The following ZFHX3 variants were observed in gnomAD, a reference collection of about 807,000 sequenced individuals.
ZFHX3 encodes the protein zinc finger homeobox protein 3.
A neutral mutation model predicts 279.1 loss-of-function variants in ZFHX3; 42 were observed. The observed-to-expected ratio is 0.15, with a 90% confidence interval of 0.12 to 0.19. The LOEUF (loss-of-function observed/expected upper bound fraction) is 0.19, where lower values mean the gene tolerates loss of function less well. Among genes scored for constraint, ZFHX3 ranks in the 10% least tolerant of loss-of-function variants. The probability of loss-of-function intolerance (pLI) is 1.00; values close to 1 mark genes in which losing one functional copy is unlikely to be tolerated. For synonymous variants in ZFHX3, 2,293 were observed against 1,957.8 expected (o/e 1.17, Z -4.52); for missense variants, 4,981 against 4,754.0 (o/e 1.05, Z -1.40).
At chr16:72,948,975 G>A (rs1488154527) in intron 3 of ZFHX3, among the ~76,000 whole-genome samples, 2 of 152,196 alleles carry the variant, frequency 1.3e-5, no homozygotes, top group African/African-American at 4.8e-5. Flanking sequence ...GATTGGATGC[G>A]TGGTGTCCAG....
chr16:73,526,894 G>A (rs2019705065), intron 2 of ZFHX3, among the ~76,000 whole-genome samples: 1 of 151,470 alleles, frequency 6.6e-6, no homozygotes, highest in Non-Finnish European at 1.5e-5. Flanking sequence ...CTAGTATTCG[G>A]TACCTCTTTG....
chr16:72,871,889 C>T (rs1200246635), intron 4 of ZFHX3, among the ~76,000 whole-genome samples: 1 of 152,128 alleles, frequency 6.6e-6, no homozygotes, highest in African/African-American at 2.4e-5. Context: ...ATGAAGACCA[C>T]ACTGGCTAAC....
At chr16:73,816,357 G>A (rs1960570918) in intron 1 of ZFHX3, among the ~76,000 whole-genome samples, 1 of 152,152 alleles carries the variant, frequency 6.6e-6, no homozygotes, top group South Asian at 2.1e-4. Flanking sequence ...ATAGGAAAGT[G>A]AGTATGACTT....
At chr16:73,831,065 C>A (rs1233872548) in intron 1 of ZFHX3, among the ~76,000 whole-genome samples, 1 of 152,134 alleles carries the variant, frequency 6.6e-6, no homozygotes, top group Non-Finnish European at 1.5e-5. Flanking sequence ...ATTCAAAAGA[C>A]CAAAGAGAAG....
chr16:73,737,006 T>C (rs913979995), intron 1 of ZFHX3, among the ~76,000 whole-genome samples: 4 of 152,162 alleles, frequency 2.6e-5, no homozygotes, highest in Admixed American at 6.6e-5. Flanking sequence ...TTCAGGTCTC[T>C]TTCTGTGGTT....
chr16:73,271,144 G>T (rs1057506931), intron 4 of ZFHX3, among the ~76,000 whole-genome samples: 2 of 152,190 alleles, frequency 1.3e-5, no homozygotes, highest in East Asian at 3.9e-4. Context: ...AGTGGAATAT[G>T]CCCCAGGGTT....
chr16:73,060,100 T>A (rs1290503893), upstream of ZFHX3: 3 of 151,456 alleles, frequency 2.0e-5, no homozygotes, highest in Admixed American at 6.6e-5. Flanking sequence ...AAAGCAGGGA[T>A]GTAATAAAGG....
chr16:73,810,734 C>G (rs1960404659), intron 1 of ZFHX3, among the ~76,000 whole-genome samples: 1 of 152,068 alleles, frequency 6.6e-6, no homozygotes, highest in Non-Finnish European at 1.5e-5. Context: ...TCAGGGAAAT[C>G]TTAGAACTGA....
At chr16:73,558,878 CA>C (rs898970803) in intron 2 of ZFHX3, among the ~76,000 whole-genome samples, 17 of 148,224 alleles carry the variant, frequency 1.1e-4, no homozygotes, top group African/African-American at 4.0e-4. Context: ...ATGCCCAGCT[CA>C]CTTTTTTTTA....
intron 1 of ZFHX3, among the ~76,000 whole-genome samples, chr16:73,026,027 T>C (rs138195703): frequency 6.6e-6 from 1 of 151,902 alleles, no homozygotes; most frequent in African/African-American, 2.4e-5. Context: ...CACACCCATG[T>C]CTTGGCAGTC....
At chr16:72,810,766 G>A (rs2036421668) in intron 7 of ZFHX3, among the ~76,000 whole-genome samples, 1 of 152,108 alleles carries the variant, frequency 6.6e-6, no homozygotes, top group African/African-American at 2.4e-5. Context: ...CCCTAGAGTT[G>A]GAAATTGCGG....
chr16:73,255,123 A>C (rs757843531), intron 5 of ZFHX3, among the ~76,000 whole-genome samples: 3 of 152,228 alleles, frequency 2.0e-5, no homozygotes, highest in Non-Finnish European at 4.4e-5. Flanking sequence ...ATCAGTCCTG[A>C]GATTGTTTCC....
intron 1 of ZFHX3, among the ~76,000 whole-genome samples, chr16:73,055,687 C>T (rs1410368450): frequency 1.6e-5 from 2 of 121,634 alleles, no homozygotes; most frequent in South Asian, 2.8e-4. Context: ...TACGCGCGCG[C>T]GCGCGCGCGC....
At chr16:73,748,310 T>C (rs1234403005) in intron 1 of ZFHX3, among the ~76,000 whole-genome samples, 1 of 152,216 alleles carries the variant, frequency 6.6e-6, no homozygotes, top group Non-Finnish European at 1.5e-5. Context: ...TCTGCTTCTG[T>C]TCTGATTGCC....
chr16:73,523,370 C>T (rs1476225981), intron 2 of ZFHX3, among the ~76,000 whole-genome samples: 2 of 152,158 alleles, frequency 1.3e-5, no homozygotes, highest in African/African-American at 2.4e-5. Flanking sequence ...ATGTGACCTC[C>T]CTGGGTTTTA....
At chr16:73,309,564 C>T (rs929451905) in intron 4 of ZFHX3, among the ~76,000 whole-genome samples, 33 of 152,190 alleles carry the variant, frequency 2.2e-4, no homozygotes, top group Admixed American at 1.4e-3. Context: ...ATGTGGGAAG[C>T]GACAGATGAG....
At chr16:73,267,548 G>A (rs28684682) in intron 4 of ZFHX3, among the ~76,000 whole-genome samples, 15,180 of 152,108 alleles carry the variant, frequency 0.1, 1,115 homozygotes, top group African/African-American at 0.21. Flanking sequence ...CAAAAGGGAC[G>A]AGCCTCAATG....
intron 2 of ZFHX3, among the ~76,000 whole-genome samples, chr16:73,579,255 T>C (rs2051832344): frequency 6.6e-6 from 1 of 152,088 alleles, no homozygotes; most frequent in Non-Finnish European, 1.5e-5. Context: ...ACCTAACCAA[T>C]GTGCATCTTA....
At position 73,460,031 on chromosome 16, in the gene ZFHX3, A is replaced by G. The variant is rs2018446300; in HGVS notation, c.-1546-3773T>C. Among the ~76,000 whole-genome samples the G allele has an allele frequency of 2.6e-5, 4 of 152,208 alleles. No homozygotes were observed. In the South Asian group the frequency reaches 8.3e-4, roughly 32 times the overall value. ...TCCAAAACCACAGTACAATATGACA[A>G]TCAGGATAGTGACCTTGATACTGTC... On this transcript the variant is annotated intron_variant, in intron 2 of 17. Transcript: ENST00000641206.
Sources: gnomAD v4.1 joint callset for allele counts (sites outside exome capture counted in the v4.1 genomes callset) on GRCh38, gnomAD v4.1.1 for gene constraint, MANE v1.5 for transcripts, NCBI Gene and HGNC (gene_info 2026-07-23, HGNC 2026-07-21) for gene names.